Variants in NRXN1 observed in about 807,000 individuals in gnomAD.
NRXN1 encodes the protein neurexin 1.
NRXN1 carries 39 observed loss-of-function variants against 150.9 expected under a neutral mutation model. The observed-to-expected ratio is 0.26, with a 90% CI of 0.20 to 0.34. The LOEUF (loss-of-function observed/expected upper bound fraction) is 0.34. NRXN1 is among the 10% of genes least tolerant of loss of function. The pLI, the probability that NRXN1 is intolerant of heterozygous loss-of-function variation, is 1.00. For missense variants in NRXN1, 1,815 were observed against 1,949.9 expected (o/e 0.93, Z 1.30); for synonymous variants, 924 against 757.0 (o/e 1.22, Z -3.62).
intron 21 of NRXN1, among the ~76,000 whole-genome samples, chr2:49,963,785 A>C (rs1190517118): frequency 1.3e-5 from 2 of 152,244 alleles, no homozygotes; most frequent in Non-Finnish European, 2.9e-5. Context: ...ACGGTGAATT[A>C]AATGACGAAT....
At chr2:50,078,582 T>C (rs567455763) in intron 19 of NRXN1, among the ~76,000 whole-genome samples, 1 of 152,254 alleles carries the variant, frequency 6.6e-6, no homozygotes, top group African/African-American at 2.4e-5. Flanking sequence ...AGCTCCCACA[T>C]TGCATTAAAC....
chr2:50,721,598 A>G (rs1462506577), intron 5 of NRXN1, among the ~76,000 whole-genome samples: 1 of 152,186 alleles, frequency 6.6e-6, no homozygotes, highest in Non-Finnish European at 1.5e-5. Flanking sequence ...ATACCCAGTC[A>G]CTAATTTTTT....
chr2:50,008,729 C>T (rs1366945509), intron 21 of NRXN1, among the ~76,000 whole-genome samples: 1 of 151,848 alleles, frequency 6.6e-6, no homozygotes, highest in African/African-American at 2.4e-5. Flanking sequence ...TAAAACCCTG[C>T]ATAGGAAGGA....
chr2:50,936,225 C>T (rs991612707), intron 2 of NRXN1, among the ~76,000 whole-genome samples: 1 of 152,126 alleles, frequency 6.6e-6, no homozygotes, highest in Non-Finnish European at 1.5e-5. Flanking sequence ...CTGAGCTAAC[C>T]GGCCGACTGG....
chr2:50,547,218 C>A (rs2093514407), intron 9 of NRXN1, among the ~76,000 whole-genome samples: 1 of 152,104 alleles, frequency 6.6e-6, no homozygotes, highest in East Asian at 1.9e-4. Flanking sequence ...ACACAATCAG[C>A]TGTACCCTGC....
chr2:50,567,917 C>T (rs539565492), intron 8 of NRXN1, among the ~76,000 whole-genome samples: 2 of 152,262 alleles, frequency 1.3e-5, no homozygotes, highest in African/African-American at 4.8e-5. Flanking sequence ...AGGCCCACTG[C>T]TACAGAATTC....
intron 22 of NRXN1, among the ~76,000 whole-genome samples, chr2:49,942,159 C>T (rs1019933835): frequency 6.6e-6 from 1 of 152,032 alleles, no homozygotes; most frequent in Admixed American, 6.6e-5. Context: ...AATGGATGAT[C>T]GTGACAGAGC....
chr2:50,241,832 G>C (rs1022371947), intron 17 of NRXN1, among the ~76,000 whole-genome samples: 9 of 151,674 alleles, frequency 5.9e-5, no homozygotes, highest in African/African-American at 1.2e-4. Context: ...GCCCACTTCA[G>C]CCTCACGTCA....
chr2:50,018,115 A>C (rs958271398), intron 21 of NRXN1, among the ~76,000 whole-genome samples: 12 of 152,146 alleles, frequency 7.9e-5, no homozygotes, highest in Admixed American at 7.9e-4. Flanking sequence ...TGAAAAAGTT[A>C]ATGCACTTCT....
intron 5 of NRXN1, among the ~76,000 whole-genome samples, chr2:50,646,527 C>A (rs564431650): frequency 8.6e-5 from 13 of 151,604 alleles, no homozygotes; most frequent in African/African-American, 2.4e-4. Flanking sequence ...CTGAGGAGAA[C>A]CAGCTCTTTG....
chr2:50,946,683 A>G (rs1189897783), intron 2 of NRXN1, among the ~76,000 whole-genome samples: 1 of 152,200 alleles, frequency 6.6e-6, no homozygotes, highest in Non-Finnish European at 1.5e-5. Context: ...TTATAAAATT[A>G]TTTAAAGCAG....
chr2:50,288,295 G>A (rs1027942521), intron 17 of NRXN1, among the ~76,000 whole-genome samples: 2 of 151,974 alleles, frequency 1.3e-5, no homozygotes, highest in Non-Finnish European at 2.9e-5. Context: ...TAAGAAAGAA[G>A]TGCCACTAGC....
rs529113203 is a variant in NRXN1, at chr2:50,983,346, G to A, written c.772+44156C>T. On this transcript the variant is annotated intron_variant, in intron 2 of 22. Transcript: ENST00000401669. ...TTATTTCCTTTTCTAAGGCCACTGC[G>A]AGATGCTTTTCCAGCTCCAGGCTCA... Among the ~76,000 whole-genome samples the A allele has an allele frequency of 2.7e-3, 415 of 152,178 alleles. 3 individuals are homozygous for A. The highest frequency in any genetic ancestry group is 9.2e-3 in the African/African-American group (384 of 41,546).
chr2:50,696,988 T>C (rs1213892610), intron 5 of NRXN1, among the ~76,000 whole-genome samples: 3 of 152,124 alleles, frequency 2.0e-5, no homozygotes, highest in South Asian at 2.1e-4. Flanking sequence ...TTTTGTCTCA[T>C]TGAGAGCATA....
chr2:49,998,086 G>T (rs1449269750), intron 21 of NRXN1, among the ~76,000 whole-genome samples: 1 of 152,090 alleles, frequency 6.6e-6, no homozygotes, highest in African/African-American at 2.4e-5. Context: ...AGAAATTTCA[G>T]GGACAATAAG....
chr2:50,287,976 G>C (rs2072410837), intron 17 of NRXN1, among the ~76,000 whole-genome samples: 1 of 151,970 alleles, frequency 6.6e-6, no homozygotes, highest in African/African-American at 2.4e-5. Context: ...AGGACCTCGA[G>C]GGCATGTATA....
chr2:50,436,140 C>G (rs562819827), intron 17 of NRXN1, among the ~76,000 whole-genome samples: 2 of 152,180 alleles, frequency 1.3e-5, no homozygotes, highest in South Asian at 2.1e-4. Context: ...AACCAGCTCC[C>G]CTACTATTTA....
At chr2:50,465,336 C>A (rs910302804) in intron 17 of NRXN1, 106 bp downstream of exon 17, 23 of 1,138,210 alleles carry the variant, frequency 2.0e-5, no homozygotes, top group Non-Finnish European at 2.6e-5. Flanking sequence ...TATGACAGTT[C>A]GACTGACTCA....
chr2:50,551,042 G>GA (rs1410109822), intron 9 of NRXN1, among the ~76,000 whole-genome samples: 1,876 of 103,490 alleles, frequency 0.018, 24 homozygotes, highest in African/African-American at 0.035. Flanking sequence ...GGAAGAGGAA[G>GA]AGGAAGAGGA....
Sources: allele counts gnomAD v4.1 joint callset (sites outside exome capture counted in the v4.1 genomes callset), GRCh38; gene constraint gnomAD v4.1.1; transcripts MANE v1.5; gene names NCBI Gene and HGNC (gene_info 2026-07-23, HGNC 2026-07-21).